DISP2: variants seen among roughly 807,000 people sequenced by gnomAD.
DISP2 encodes the protein protein dispatched homolog 2.
DISP2 carries 59 observed loss-of-function variants against 95.5 expected under a neutral mutation model. The observed-to-expected ratio is 0.62, with a 90% confidence interval of 0.50 to 0.77. The LOEUF (loss-of-function observed/expected upper bound fraction) is 0.77, where lower values mean the gene tolerates loss of function less well. Among genes scored for constraint, DISP2 ranks in the 30% least tolerant of loss-of-function variants. The pLI is 0.00. For synonymous variants in DISP2, 827 were observed against 815.0 expected, an observed-to-expected ratio of 1.01 and a Z score of -0.25; for missense variants, 1,752 against 1,854.6, an observed-to-expected ratio of 0.94 and a Z score of 1.02.
At chr15:40,358,468 A>C (rs1000889865) in intron 1 of DISP2, 28 bp downstream of exon 1, 20 of 1,251,380 alleles carry the variant, frequency 1.6e-5, no homozygotes, top group South Asian at 3.0e-5. Flanking sequence ...GCAGATCCGT[A>C]TCACAGACCC....
rs1889624969 is a variant in DISP2 at position 40,370,502 on chromosome 15, T to G, written c.*184T>G. 2 of 1,115,548 alleles carry G rather than the reference T, an allele frequency of 1.8e-6. No homozygotes were observed. The highest frequency in any genetic ancestry group is 4.1e-5 in the Admixed American group (2 of 49,144). 69.1% of individuals were successfully genotyped at this position (1,115,548 alleles called of 1,614,324 possible). A position where few individuals can be genotyped will look rare whatever the true frequency, so the allele number is the denominator to read the frequency against. Reference sequence around the variant, plus strand: ...GATCTGTCTGCTCCTACTCCTCACATCTGGAGGATTCCAGCAGGAGGGGTT... The same window carrying G: ...GATCTGTCTGCTCCTACTCCTCACAGCTGGAGGATTCCAGCAGGAGGGGTT... On this transcript the variant is annotated 3_prime_UTR_variant, in exon 8 of 8. Transcript: ENST00000267889.
At position 40,363,806 on chromosome 15, in the gene DISP2, G is replaced by A; in HGVS notation, c.301G>A (p.Glu101Lys). ...CTTCACCTATCCCCGGGCACTGCAG[G>A]AATACCAGGGGGGCAGTTCCCTGCC... Reference protein sequence around the residue: ...AHFTYPRALQEYQGGSSLPGL... With the variant: ...AHFTYPRALQKYQGGSSLPGL... The change falls in exon 2 of 8, where the codon GAA becomes AAA. Residue 101 changes from glutamate to lysine, a missense_variant. Transcript: ENST00000267889. 1 of 1,612,648 alleles carries A rather than the reference G, an allele frequency of 6.2e-7. No individual in the cohort carries two copies. The highest frequency in any genetic ancestry group is 8.5e-7 in the Non-Finnish European group (1 of 1,179,068).
In DISP2 at chr15:40,369,268, G is replaced by A. The variant is rs1451391219; in HGVS notation, c.3156G>A (p.Val1052=). ...CACACCCTGACCGCCTGAGCCGTGT[G>A]GCCTTCTCTCTGCGCCAGACCAGCT... ...LCPHPDRLSR[V]AFSLRQTSCA... The change falls in exon 8 of 8, where the codon GTG becomes GTA. Residue 1052 remains valine (V), a synonymous_variant. Transcript: ENST00000267889. 6.2e-7 allele frequency: 1 copy of A among 1,613,800 alleles called. No individual in the cohort carries two copies. The highest frequency in any genetic ancestry group is 8.5e-7 in the Non-Finnish European group (1 of 1,180,042).
At position 40,367,829 on chromosome 15, in the gene DISP2, C is replaced by T; in HGVS notation, c.1717C>T (p.Leu573=). 1 of 1,602,458 alleles carries T rather than the reference C, an allele frequency of 6.2e-7. No homozygotes were observed. Among genetic ancestry groups the T allele is most frequent in the Non-Finnish European group, 8.5e-7 (1 of 1,179,926 alleles). ...FDLWRLSKSQ[L]PSGGLAQRVG... ...CCTGTGGCGCCTTAGCAAGAGCCAG[C>T]TGCCGTCGGGGGGGCTGGCGCAGCG... Residue 573 remains leucine (L), a synonymous_variant, in exon 8 of 8, where the codon CTG becomes TTG. Transcript: ENST00000267889.
Position 40,363,718 on chromosome 15 carries a change from A to G in DISP2, c.213A>G (p.Gly71=), listed in dbSNP as rs1316621688. The part of the protein sequence containing the change: ...CPLEDPSSSS[G]PPPTTSTLQP... ...TGGAGGACCCTTCCAGCTCTTCAGG[A>G]CCCCCACCAACAACTTCCACCCTCC... Residue 71 remains glycine, a synonymous_variant, in exon 2 of 8, where the codon GGA becomes GGG. Coordinates refer to ENST00000267889, the MANE Select transcript of DISP2 (RefSeq NM_033510.3). 2.5e-6 allele frequency: 4 copies of G among 1,612,164 alleles called. No individual in the cohort carries two copies. The highest frequency in any genetic ancestry group is 3.4e-6 in the Non-Finnish European group (4 of 1,179,150).
In DISP2 at chr15:40,369,729, G is replaced by T; in HGVS notation, c.3617G>T (p.Arg1206Leu). Residue 1206 changes from arginine (R) to leucine (L), a missense_variant, in exon 8 of 8, where the codon CGG becomes CTG. Transcript: ENST00000267889. ...LQLHDGPCCS[R>L]PPPAPASPRE... ...CTCCATGATGGTCCGTGCTGTTCCCGGCCCCCACCAGCCCCTGCCTCCCCA... is the reference window on the plus strand; with the variant it reads ...CTCCATGATGGTCCGTGCTGTTCCCTGCCCCCACCAGCCCCTGCCTCCCCA... 6.2e-7 allele frequency: 1 copy of T among 1,610,130 alleles called. No individual in the cohort carries two copies. The highest frequency in any genetic ancestry group is 1.1e-5 in the South Asian group (1 of 91,084).
At chr15:40,364,984 G>A (rs745941909) in intron 5 of DISP2, 31 bp downstream of exon 5, 16 of 1,611,186 alleles carry the variant, frequency 9.9e-6, no homozygotes, top group Non-Finnish European at 1.4e-5. Flanking sequence ...CACTGTGGGT[G>A]GCAGAGGGAA....
In DISP2 at chr15:40,363,677, C is replaced by T. The variant is rs1156310523; in HGVS notation, c.172C>T (p.Leu58Phe). 3 of 1,593,992 alleles carry T rather than the reference C, an allele frequency of 1.9e-6. No individual in the cohort carries two copies. Among genetic ancestry groups the T allele is most frequent in the Admixed American group, 3.5e-5 (2 of 57,812 alleles). Reference protein sequence around the residue: ...PEASPERSCSLHSCPLEDPSS... With the variant: ...PEASPERSCSFHSCPLEDPSS... ...GGCAAGCCCAGAGAGAAGCTGCTCC[C>T]TCCACAGCTGCCCCCTGGAGGACCC... Residue 58 changes from leucine (L) to phenylalanine (F), a missense_variant, in exon 2 of 8, where the codon CTC (leucine) becomes TTC (phenylalanine). By Grantham distance (22) the Leu-to-Phe change is conservative. This residue lies in a region of DISP2 where 342 missense variants were observed against 364.3 expected (regional missense o/e 0.94). Coordinates refer to ENST00000267889, the MANE Select transcript of DISP2 (RefSeq NM_033510.3).
chr15:40,364,166 C>G, intron 2 of DISP2, 60 bp from the exon 3 acceptor site: 1 of 1,612,182 alleles, frequency 6.2e-7, no homozygotes, highest in Non-Finnish European at 8.5e-7. Context: ...CCTCCACCCC[C>G]AACACACGCC....
rs778042773 is a variant in DISP2, at chr15:40,369,496, C to G, written c.3384C>G (p.Ala1128=). The stretch of plus-strand genomic sequence containing the variant: ...GTGGGCAGATCCTCTGGCCCTGTGC[C>G]CACCTGCCATGGGATGCTGGTACTG... ...KNCGQILWPC[A]HLPWDAGTGD... The change falls in exon 8 of 8, where the codon GCC becomes GCG. Residue 1128 remains alanine, a synonymous_variant. Coordinates refer to ENST00000267889, the MANE Select transcript of DISP2 (RefSeq NM_033510.3). 12 of 1,613,084 alleles carry G rather than the reference C, an allele frequency of 7.4e-6. No individual in the cohort carries two copies. The highest frequency in any genetic ancestry group is 1.3e-5 in the African/African-American group (1 of 74,924).
At position 40,374,563 on chromosome 15, in the gene DISP2, G is replaced by A. The variant is rs1018386158; in HGVS notation, c.*4245G>A. On this transcript the variant is annotated 3_prime_UTR_variant, in exon 8 of 8. Transcript: ENST00000267889. Reference sequence around the variant, plus strand: ...AGGCTTTAAATCAGATTTTAAGAAAGAGGATACATTGGTTTACAACCTTTG... The same window carrying A: ...AGGCTTTAAATCAGATTTTAAGAAAAAGGATACATTGGTTTACAACCTTTG... 4 of 150,950 alleles carry A rather than the reference G, an allele frequency of 2.6e-5. No homozygotes were observed. Among genetic ancestry groups the A allele is most frequent in the Non-Finnish European group, 5.9e-5 (4 of 67,916 alleles). The allele number at this position is 150,950 out of a possible 1,614,324, so 9.4% of individuals were successfully genotyped here.
rs1434783647 is a variant in DISP2, at chr15:40,358,244, T to C, written c.-78T>C. The C allele has an allele frequency of 2.3e-4, 178 of 779,874 alleles. 1 individual carries two copies. Among genetic ancestry groups the C allele is most frequent in the African/African-American group, 9.0e-4 (45 of 49,830 alleles). 48.3% of individuals were successfully genotyped at this position (779,874 alleles called of 1,614,324 possible). ...ATGCGCACGAGCACCCCGCCGCCGC[T>C]GCCGCCGCCACCGCCGCCGCCGCCG... On this transcript the variant is annotated 5_prime_UTR_variant, in exon 1 of 8. Transcript: ENST00000267889.
rs998576447 is a variant in DISP2 at position 40,367,336 on chromosome 15, C to T, written c.1224C>T (p.Ile408=). ...CCAAGTGCTCCCAGAGTAGTGCCAT[C>T]TACCAACTCCTGCACTTTCTGCTTG... The part of the protein sequence containing the change: ...VPTKCSQSSA[I]YQLLHFLLDR... The change falls in exon 8 of 8, where the codon ATC becomes ATT. Residue 408 remains isoleucine, a synonymous_variant. Transcript: ENST00000267889. 2.5e-6 allele frequency: 4 copies of T among 1,613,534 alleles called. No individual in the cohort carries two copies. The African/African-American group carries it at 5.4e-5, about 22-fold the overall frequency.
In DISP2 at chr15:40,367,697, T is replaced by C. The variant is rs1566916046; in HGVS notation, c.1585T>C (p.Phe529Leu). ...GVLGSLLVAF[F>L]LYQVAFRMAY... ...GCTGGGCTCACTGCTGGTGGCCTTC[T>C]TCCTTTACCAGGTGGCCTTCCGCAT... The change falls in exon 8 of 8, where the codon TTC becomes CTC. Residue 529 changes from phenylalanine to leucine, a missense_variant. Coordinates refer to ENST00000267889, the MANE Select transcript of DISP2 (RefSeq NM_033510.3). 5.6e-6 allele frequency: 9 copies of C among 1,613,870 alleles called. 1 individual carries two copies. Among genetic ancestry groups the C allele is most frequent in the South Asian group, 5.5e-5 (5 of 91,082 alleles).
chr15:40,369,525 A>C lies in DISP2; in HGVS notation c.3413A>C (p.Asp1138Ala). The C allele has an allele frequency of 6.2e-7, 1 of 1,612,830 alleles. No homozygotes were observed. The highest frequency in any genetic ancestry group is 8.5e-7 in the Non-Finnish European group (1 of 1,179,974). Reference protein sequence around the residue: ...AHLPWDAGTGDPGGEKAGRPR... With the variant: ...AHLPWDAGTGAPGGEKAGRPR... ...CTGCCATGGGATGCTGGTACTGGGG[A>C]CCCTGGTGGGGAGAAGGCAGGCCGC... Residue 1138 changes from aspartate to alanine, a missense_variant, in exon 8 of 8, where the codon GAC (aspartate) becomes GCC (alanine). Asp to Ala is a moderately radical substitution (Grantham distance 126). Transcript: ENST00000267889.
chr15:40,358,248 G>GCCA lies in DISP2; in HGVS notation c.-72_-71insACC, dbSNP rs2141257106. Reference sequence around the variant, plus strand: ...GCACGAGCACCCCGCCGCCGCTGCCGCCGCCACCGCCGCCGCCGCCGCCGC... The same window carrying GCCA: ...GCACGAGCACCCCGCCGCCGCTGCCGCCACCGCCACCGCCGCCGCCGCCGCCGC... On this transcript the variant is annotated 5_prime_UTR_variant, in exon 1 of 8. Transcript: ENST00000267889. 4 of 1,034,692 alleles carry GCCA rather than the reference G, an allele frequency of 3.9e-6. No homozygotes were observed. The highest frequency in any genetic ancestry group is 3.6e-6 in the Non-Finnish European group (3 of 839,470). 64.1% of individuals were successfully genotyped at this position (1,034,692 alleles called of 1,614,324 possible).
At position 40,368,288 on chromosome 15, in the gene DISP2, C is replaced by G. The variant is rs527560270; in HGVS notation, c.2176C>G (p.Arg726Gly). The change falls in exon 8 of 8, where the codon CGC becomes GGC. Residue 726 changes from arginine to glycine, a missense_variant. Coordinates refer to ENST00000267889, the MANE Select transcript of DISP2 (RefSeq NM_033510.3). ...GGAYIAGVSP[R>G]LRLPTLPPPG... ...CGCCTACATCGCCGGAGTCAGCCCC[C>G]GCCTGCGGCTGCCCACGCTGCCGCC... 12 of 1,606,794 alleles carry G rather than the reference C, an allele frequency of 7.5e-6. No individual in the cohort carries two copies. The highest frequency in any genetic ancestry group is 1.7e-4 in the Middle Eastern group (1 of 5,950).
intron 7 of DISP2, 111 bp from the exon 8 acceptor site, chr15:40,366,947 T>C: frequency 7.1e-7 from 1 of 1,402,684 alleles, no homozygotes; most frequent in Middle Eastern, 1.9e-4. Context: ...AAGATCCCTC[T>C]CTGCGCTTGC....
At position 40,370,855 on chromosome 15, in the gene DISP2, C is replaced by T; in HGVS notation, c.*537C>T. 3.0e-6 allele frequency: 1 copy of T among 333,418 alleles called. No homozygotes were observed. Among genetic ancestry groups the T allele is most frequent in the South Asian group, 2.3e-5 (1 of 43,080 alleles). 20.7% of individuals were successfully genotyped at this position (333,418 alleles called of 1,614,324 possible). The stretch of plus-strand genomic sequence containing the variant: ...CAGAATTGGGCTGGGACCTCTCTCC[C>T]CAACTGCCCTGCTCTCCTCATACTC... On this transcript the variant is annotated 3_prime_UTR_variant, in exon 8 of 8. Coordinates refer to ENST00000267889, the MANE Select transcript of DISP2 (RefSeq NM_033510.3).
Sources: allele counts gnomAD v4.1 joint callset, GRCh38; gene constraint gnomAD v4.1.1; regional missense constraint gnomAD v4.1.1; transcripts MANE v1.5; gene names NCBI Gene and HGNC (gene_info 2026-07-23, HGNC 2026-07-21).